The following GIT1 variants were observed in gnomAD, a reference collection of about 807,000 sequenced individuals.
GIT1 encodes the protein GIT ArfGAP 1, also known as ARF GTPase-activating protein GIT1.
In GIT1, 14 loss-of-function variants were observed where a neutral mutation model predicts 91.7. That is an observed-to-expected ratio of 0.15 (90% CI 0.10 to 0.24). The LOEUF is 0.24. Ranked by LOEUF, GIT1 falls within the 10% of genes least tolerant of loss-of-function variation. GIT1 has a pLI of 1.00. For missense variants in GIT1, 717 were observed against 1,024.9 expected (o/e 0.70, Z 4.10); for synonymous variants, 414 against 418.2 (o/e 0.99, Z 0.12).
intron 12 of GIT1, 47 bp from the exon 13 acceptor site, chr17:29,576,721 C>T: frequency 6.2e-7 from 1 of 1,608,970 alleles, no homozygotes; most frequent in Non-Finnish European, 8.5e-7. Flanking sequence ...GCAGGGAGGC[C>T]AACACCCGCA....
Position 29,576,350 on chromosome 17 carries a change from G to A in GIT1, c.1481C>T (p.Ala494Val), listed in dbSNP as rs1335529772. Residue 494 changes from alanine to valine, a missense_variant, in exon 14 of 20, where the codon GCG becomes GTG. Coordinates refer to ENST00000225394, the MANE Select transcript of GIT1 (RefSeq NM_014030.4). ...CCTGCGGTGTGTGCTCCCGCCTGGC[G>A]CCATGGGTGTGTGTTCCGCCCGTTC... ...PSERAEHTPM[A>V]PGGSTHRRDR... 8.7e-6 allele frequency: 14 copies of A among 1,613,176 alleles called. No individual in the cohort carries two copies. The highest frequency in any genetic ancestry group is 3.3e-4 in the Middle Eastern group (2 of 6,080).
At chr17:29,576,826 G>C in intron 12 of GIT1, 37 bp downstream of exon 12, 4 of 1,577,998 alleles carry the variant, frequency 2.5e-6, no homozygotes, top group Non-Finnish European at 3.4e-6. Flanking sequence ...GCCTGGGTCA[G>C]GGCACAGGGG....
intron 2 of GIT1, 121 bp from the exon 3 acceptor site, chr17:29,583,158 G>A (rs2033461730): frequency 1.4e-6 from 1 of 690,502 alleles, no homozygotes; most frequent in African/African-American, 1.7e-5. Context: ...GGCCTACTGT[G>A]TGCCCGCACC....
chr17:29,581,286 A>T lies in GIT1; in HGVS notation c.761+52T>A. The T allele has an allele frequency of 7.0e-7, 1 of 1,434,290 alleles. No homozygotes were observed. Among genetic ancestry groups the T allele is most frequent in the Non-Finnish European group, 9.8e-7 (1 of 1,017,090 alleles). The allele number at this position is 1,434,290 out of a possible 1,614,324, so 88.8% of individuals were successfully genotyped here. On this transcript the variant is annotated intron_variant, in intron 7 of 19. Coordinates refer to ENST00000225394, the MANE Select transcript of GIT1 (RefSeq NM_014030.4). The surrounding 1 kb of genome is among the most constrained non-coding windows in gnomAD (Gnocchi z 4.8). Reference sequence around the variant, plus strand: ...GGGCTGGGAGCTCTGGGGGTCAGCCACCCACATGGCATCCAACAGCCTCTG... The same window carrying T: ...GGGCTGGGAGCTCTGGGGGTCAGCCTCCCACATGGCATCCAACAGCCTCTG...
chr17:29,574,542 G>A lies in GIT1; in HGVS notation c.*160C>T, dbSNP rs545359898. 18 of 704,692 alleles carry A rather than the reference G, an allele frequency of 2.6e-5. No homozygotes were observed. Among genetic ancestry groups the A allele is most frequent in the Non-Finnish European group, 4.1e-5 (16 of 393,270 alleles). 43.7% of individuals were successfully genotyped at this position (704,692 alleles called of 1,614,324 possible). A position where few individuals can be genotyped will look rare whatever the true frequency, so the allele number is the denominator to read the frequency against. Reference sequence around the variant, plus strand: ...CCCACCTCCCCATCCTTAGGGGCTCGACAGGGGTGGGCACCAGGGCACCTG... The same window carrying A: ...CCCACCTCCCCATCCTTAGGGGCTCAACAGGGGTGGGCACCAGGGCACCTG... On this transcript the variant is annotated 3_prime_UTR_variant, in exon 20 of 20. Coordinates refer to ENST00000225394, the MANE Select transcript of GIT1 (RefSeq NM_014030.4).
At position 29,589,247 on chromosome 17, in the gene GIT1, A is replaced by C. The variant is rs2033719793; in HGVS notation, c.52+80T>G. The C allele has an allele frequency of 9.4e-5, 26 of 275,586 alleles. No individual in the cohort carries two copies. Among genetic ancestry groups the C allele is most frequent in the South Asian group, 1.4e-4 (1 of 6,908 alleles). 17.1% of individuals were successfully genotyped at this position (275,586 alleles called of 1,614,324 possible). On this transcript the variant is annotated intron_variant, in intron 1 of 19. Transcript: ENST00000225394. This position sits in a 1 kb window ranked among gnomAD's most constrained non-coding sequence, Gnocchi z 5.2. ...GCCCCGCCCAGCCCTCCGGCCCCGC[A>C]CAGCGCTCTTGCCAGGCCCCGGCGC...
chr17:29,589,608 G>T lies in GIT1; in HGVS notation c.-230C>A, dbSNP rs1333095124. The stretch of plus-strand genomic sequence containing the variant: ...CCCGCGCCGCCCCGCCGCCGCTCGC[G>T]GCTCCTCTCTCCGCCCCCTGCGCGG... On this transcript the variant is annotated 5_prime_UTR_variant, in exon 1 of 20. Transcript: ENST00000225394. This position sits in a 1 kb window ranked among gnomAD's most constrained non-coding sequence, Gnocchi z 5.2. The T allele has an allele frequency of 2.7e-5, 4 of 148,576 alleles. No homozygotes were observed. Among genetic ancestry groups the T allele is most frequent in the South Asian group, 3.6e-4 (2 of 5,516 alleles). 9.2% of individuals were successfully genotyped at this position (148,576 alleles called of 1,614,324 possible). A position where few individuals can be genotyped will look rare whatever the true frequency, so the allele number is the denominator to read the frequency against.
chr17:29,581,841 G>A lies in GIT1; in HGVS notation c.624-5C>T. 6.2e-7 allele frequency: 1 copy of A among 1,611,882 alleles called. No homozygotes were observed. The highest frequency in any genetic ancestry group is 8.5e-7 in the Non-Finnish European group (1 of 1,179,184). On this transcript the variant is annotated splice_polypyrimidine_tract_variant and splice_region_variant and intron_variant, in intron 5 of 19. Coordinates refer to ENST00000225394, the MANE Select transcript of GIT1 (RefSeq NM_014030.4). This position sits in a 1 kb window ranked among gnomAD's most constrained non-coding sequence, Gnocchi z 4.8. ...AGCTCATGGTGCCCCGCCTGCCTGT[G>A]AGGAGGGGGTATGGCTCAGACCTGC...
In GIT1 at chr17:29,589,310, G is replaced by A. The variant is rs2033724568; in HGVS notation, c.52+17C>T. 9.8e-7 allele frequency: 1 copy of A among 1,018,090 alleles called. No homozygotes were observed. The highest frequency in any genetic ancestry group is 1.2e-6 in the Non-Finnish European group (1 of 851,308). The allele number at this position is 1,018,090 out of a possible 1,614,324, so 63.1% of individuals were successfully genotyped here. ...GGCCTGGCTGTGCGGTCCCGCCCCC[G>A]GCCCCGCCGCGCTTACCCGGGGCGC... On this transcript the variant is annotated intron_variant, in intron 1 of 19. Coordinates refer to ENST00000225394, the MANE Select transcript of GIT1 (RefSeq NM_014030.4). This position sits in a 1 kb window ranked among gnomAD's most constrained non-coding sequence, Gnocchi z 5.2.
Position 29,574,837 on chromosome 17 carries a change from C to T in GIT1, c.2151G>A (p.Arg717=), listed in dbSNP as rs201810676. 6.5e-5 allele frequency: 105 copies of T among 1,606,860 alleles called. No individual in the cohort carries two copies. In the East Asian group the frequency reaches 1.9e-3, roughly 29 times the overall value. ...ASAYRLQSEC[R]KTVPPEPGAP... ...CGCCGGGCTCTGGGGGCACTGTCTT[C>T]CGGCACTCACTCTGCAGCCGGTAGG... Residue 717 remains arginine (R), a synonymous_variant, in exon 20 of 20, where the codon CGG becomes CGA. Transcript: ENST00000225394.
At position 29,575,082 on chromosome 17, in the gene GIT1, T is replaced by G. The variant is rs571215225; in HGVS notation, c.2070A>C (p.Pro690=). 20 of 1,595,008 alleles carry G rather than the reference T, an allele frequency of 1.3e-5. No homozygotes were observed. The African/African-American group carries it at 2.1e-4, about 17-fold the overall frequency. ...GTCCTCTCTTTGGCCCCTGTACCTT[T>G]GGGAAGAGGGAGGCCATCTCGGTCA... ...LAVTEMASLF[P]KRPALEPVRS... The change falls in exon 19 of 20, where the codon CCA becomes CCC. Residue 690 remains proline (P), a synonymous_variant. Transcript: ENST00000225394. The surrounding 1 kb of genome is among the most constrained non-coding windows in gnomAD (Gnocchi z 5.5).
rs1441086742 is a variant in GIT1 at position 29,576,864 on chromosome 17, C to T, written c.1226G>A (p.Arg409Gln). Reference protein sequence around the residue: ...STGATRSNRARSMDSSDLSDG... With the variant: ...STGATRSNRAQSMDSSDLSDG... ...TGGGAAGGAGGGTGGGACTCAGACC[C>T]GGGCCCGGTTGCTCCGAGTGGCGCC... Residue 409 changes from arginine to glutamine, a missense_variant and splice_region_variant, in exon 12 of 20, where the codon CGG (arginine) becomes CAG (glutamine). Physicochemically the swap from Arg to Gln is conservative, Grantham distance 43 (BLOSUM62 1). This residue lies in a region of GIT1 where 312 missense variants were observed against 349.5 expected (regional missense o/e 0.89). Coordinates refer to ENST00000225394, the MANE Select transcript of GIT1 (RefSeq NM_014030.4). 2 of 1,575,290 alleles carry T rather than the reference C, an allele frequency of 1.3e-6. No individual in the cohort carries two copies. Among genetic ancestry groups the T allele is most frequent in the East Asian group, 2.3e-5 (1 of 43,248 alleles).
chr17:29,574,765 G>A lies in GIT1; in HGVS notation c.2223C>T (p.Ala741=). 1 of 1,613,574 alleles carries A rather than the reference G, an allele frequency of 6.2e-7. No homozygotes were observed. The highest frequency in any genetic ancestry group is 8.5e-7 in the Non-Finnish European group (1 of 1,179,950). The change falls in exon 20 of 20, where the codon GCC becomes GCT. Residue 741 remains alanine, a synonymous_variant. Coordinates refer to ENST00000225394, the MANE Select transcript of GIT1 (RefSeq NM_014030.4). ...GCTTGGCAGCCTTGGCGATGTCATA[G>A]GCGCACTGGATCACCTGCTGAGTCA... ...QLLTQQVIQC[A]YDIAKAAKQL... is the part of the protein sequence containing the mutation.
Position 29,575,997 on chromosome 17 carries a change from C to G in GIT1, c.1665+81G>C. 3.2e-6 allele frequency: 5 copies of G among 1,557,384 alleles called. No homozygotes were observed. The highest frequency in any genetic ancestry group is 4.4e-6 in the Non-Finnish European group (5 of 1,129,604). On this transcript the variant is annotated intron_variant, in intron 15 of 19. Transcript: ENST00000225394. The surrounding 1 kb of genome is among the most constrained non-coding windows in gnomAD (Gnocchi z 5.5). The stretch of plus-strand genomic sequence containing the variant: ...ACCAGGTCAGTCTAATCATCTTAAG[C>G]CCCGAATTCAGCACAGAGCCCAGAA...
Position 29,581,764 on chromosome 17 carries a change from G to A in GIT1, c.696C>T (p.Phe232=). 1 of 1,611,346 alleles carries A rather than the reference G, an allele frequency of 6.2e-7. No homozygotes were observed. Among genetic ancestry groups the A allele is most frequent in the East Asian group, 2.2e-5 (1 of 44,876 alleles). ...CQYELTDRLA[F]YLCGRKPDHK... ...CACCCGGCTTGCGTCCACAGAGGTAGAAGGCCAGCCGGTCAGTGAGCTCAT... is the reference window on the plus strand; with the variant it reads ...CACCCGGCTTGCGTCCACAGAGGTAAAAGGCCAGCCGGTCAGTGAGCTCAT... Residue 232 remains phenylalanine, a synonymous_variant, in exon 6 of 20, where the codon TTC becomes TTT. Coordinates refer to ENST00000225394, the MANE Select transcript of GIT1 (RefSeq NM_014030.4). The surrounding 1 kb of genome is among the most constrained non-coding windows in gnomAD (Gnocchi z 4.8).
intron 9 of GIT1, 39 bp from the exon 10 acceptor site, chr17:29,577,781 C>T: frequency 1.5e-6 from 2 of 1,309,558 alleles, no homozygotes; most frequent in South Asian, 1.2e-5. Flanking sequence ...CCACGGTGGC[C>T]AGGCCCCCAA....
chr17:29,582,353 T>A (rs897437589), intron 4 of GIT1, among the ~76,000 whole-genome samples: 2 of 152,270 alleles, frequency 1.3e-5, no homozygotes, highest in African/African-American at 4.8e-5. Flanking sequence ...ACGTGTGCTG[T>A]GTGCCCTGCT....
Position 29,576,980 on chromosome 17 carries a change from A to C in GIT1, c.1110T>G (p.Ser370=), listed in dbSNP as rs144787773. ...LSSPTDNLEL[S]LRSQSDLDDQ... ...CGTCGAGGTCACTCTGGCTCCGCAG[A>C]GACAGCTCGAGGTTGTCTGAGGACA... is the stretch of plus-strand genomic sequence containing the variant. The change falls in exon 12 of 20, where the codon TCT becomes TCG. Residue 370 remains serine (S), a synonymous_variant. Coordinates refer to ENST00000225394, the MANE Select transcript of GIT1 (RefSeq NM_014030.4). The C allele has an allele frequency of 3.9e-4, 621 of 1,602,804 alleles. No homozygotes were observed. Among genetic ancestry groups the C allele is most frequent in the Non-Finnish European group, 5.0e-4 (588 of 1,179,656 alleles).
chr17:29,586,108 T>C (rs1378000588), intron 1 of GIT1, among the ~76,000 whole-genome samples: 1 of 152,136 alleles, frequency 6.6e-6, no homozygotes, highest in Non-Finnish European at 1.5e-5. Flanking sequence ...AGAGTAGTCC[T>C]TGGGGTAGAG....
Sources: allele counts gnomAD v4.1 joint callset (sites outside exome capture counted in the v4.1 genomes callset), GRCh38; gene constraint gnomAD v4.1.1; regional missense constraint gnomAD v4.1.1; non-coding constraint Gnocchi (gnomAD v3.1); transcripts MANE v1.5; gene names NCBI Gene and HGNC (gene_info 2026-07-23, HGNC 2026-07-21).